The following DLGAP2 variants were observed in gnomAD, a reference collection of about 807,000 sequenced individuals.
DLGAP2 encodes the protein DLG associated protein 2, also known as disks large-associated protein 2.
A neutral mutation model predicts 100.3 loss-of-function variants in DLGAP2; 26 were observed. The observed-to-expected ratio is 0.26, with a 90% CI of 0.19 to 0.36. The LOEUF (loss-of-function observed/expected upper bound fraction) is 0.36, where lower values mean the gene tolerates loss of function less well. DLGAP2 is among the 10% of genes least tolerant of loss of function. The pLI is 1.00. For synonymous variants in DLGAP2, 886 were observed against 630.1 expected (o/e 1.41, Z -6.08); for missense variants, 1,858 against 1,453.2 (o/e 1.28, Z -4.53).
At position 1,094,710 on chromosome 8, in the gene DLGAP2, T is replaced by C. The variant is rs184144408; in HGVS notation, c.74-164141T>C. Among the ~76,000 whole-genome samples the C allele has an allele frequency of 5.3e-3, 813 of 152,232 alleles. 9 individuals are homozygous for C. The highest frequency in any genetic ancestry group is 0.019 in the African/African-American group (769 of 41,546). ...ATTGACCGTGCAGCGGGCACAAGAGTGGCTGGACAAGCTCCGTGCCTCCCC... is the reference window on the plus strand; with the variant it reads ...ATTGACCGTGCAGCGGGCACAAGAGCGGCTGGACAAGCTCCGTGCCTCCCC... On this transcript the variant is annotated intron_variant, in intron 2 of 14. Transcript: ENST00000637795.
chr8:957,525 G>A (rs1397526002), intron 2 of DLGAP2, among the ~76,000 whole-genome samples: 1 of 152,214 alleles, frequency 6.6e-6, no homozygotes, highest in Non-Finnish European at 1.5e-5. Flanking sequence ...TGTGTATTTG[G>A]ATTGTGTCCA....
At chr8:1,365,111 G>GA (rs958768290) in intron 3 of DLGAP2, among the ~76,000 whole-genome samples, 4 of 152,174 alleles carry the variant, frequency 2.6e-5, no homozygotes, top group African/African-American at 9.7e-5. Context: ...GATGCTCTAC[G>GA]AAGCGGGAGG....
chr8:1,487,057 C>G (rs936308762), intron 3 of DLGAP2, among the ~76,000 whole-genome samples: 6 of 152,208 alleles, frequency 3.9e-5, no homozygotes, highest in Admixed American at 2.0e-4. Flanking sequence ...CACAATCGAT[C>G]TAGAATCCGA....
chr8:911,993 A>T (rs149306321), intron 2 of DLGAP2, among the ~76,000 whole-genome samples: 85 of 152,326 alleles, frequency 5.6e-4, no homozygotes, highest in African/African-American at 1.8e-3. Flanking sequence ...ACACAGTTGT[A>T]AGCATAATAC....
At chr8:1,189,637 C>T (rs74731958) in intron 2 of DLGAP2, among the ~76,000 whole-genome samples, 16,801 of 152,182 alleles carry the variant, frequency 0.11, 2,721 homozygotes, top group African/African-American at 0.36. Flanking sequence ...TGACGTGTGA[C>T]ATCCCCATGC....
At chr8:1,637,676 G>A (rs1026731206) in intron 8 of DLGAP2, among the ~76,000 whole-genome samples, 8 of 152,190 alleles carry the variant, frequency 5.3e-5, no homozygotes, top group Non-Finnish European at 1.0e-4. Flanking sequence ...CATTTATGTC[G>A]TAAGCATTTA....
At chr8:1,540,597 A>T (rs1801328804) in intron 4 of DLGAP2, among the ~76,000 whole-genome samples, 1 of 152,044 alleles carries the variant, frequency 6.6e-6, no homozygotes, top group Non-Finnish European at 1.5e-5. Context: ...TGGGCGCTGG[A>T]GTCGGGTGTG....
At chr8:1,385,873 G>A (rs535882193) in intron 3 of DLGAP2, among the ~76,000 whole-genome samples, 3 of 151,886 alleles carry the variant, frequency 2.0e-5, no homozygotes, top group South Asian at 2.1e-4. Context: ...ACAGTTACCC[G>A]GCCTGTGCCC....
At chr8:1,652,863 TATGTATC>T in intron 8 of DLGAP2, among the ~76,000 whole-genome samples, 1 of 152,308 alleles carries the variant, frequency 6.6e-6, no homozygotes, top group South Asian at 2.1e-4. Context: ...CTCCTTGGTC[TATGTATC>T]ATCCCATCAG....
intron 3 of DLGAP2, among the ~76,000 whole-genome samples, chr8:1,304,916 T>A (rs371647014): frequency 6.6e-6 from 1 of 152,262 alleles, no homozygotes; most frequent in African/African-American, 2.4e-5. Flanking sequence ...CTGTCATTCA[T>A]GCATATCGTG....
At chr8:1,575,249 G>A (rs1004828164) in intron 6 of DLGAP2, among the ~76,000 whole-genome samples, 3 of 152,098 alleles carry the variant, frequency 2.0e-5, no homozygotes, top group Non-Finnish European at 4.4e-5. Flanking sequence ...GAAGGCAGAC[G>A]TGAATGGAAG....
At chr8:1,020,864 G>T (rs1378765482) in intron 2 of DLGAP2, among the ~76,000 whole-genome samples, 1 of 152,158 alleles carries the variant, frequency 6.6e-6, no homozygotes, top group East Asian at 1.9e-4. Flanking sequence ...GAGTGACTCT[G>T]GCCAGCTCAG....
chr8:1,469,451 C>A (rs1384700471), intron 3 of DLGAP2, among the ~76,000 whole-genome samples: 1 of 152,236 alleles, frequency 6.6e-6, no homozygotes, highest in African/African-American at 2.4e-5. Context: ...TGCAGTACAT[C>A]CCTCTCTGCC....
At position 1,415,752 on chromosome 8, in the gene DLGAP2, G is replaced by A. The variant is rs117648789; in HGVS notation, c.107-85614G>A. ...GTTGCTTCCATGTTTTTGCTATTGCGAACCTTGTGAACCATGCTGCAGTGA... is the reference window on the plus strand; with the variant it reads ...GTTGCTTCCATGTTTTTGCTATTGCAAACCTTGTGAACCATGCTGCAGTGA... On this transcript the variant is annotated intron_variant, in intron 3 of 14. Coordinates refer to ENST00000637795, the MANE Select transcript of DLGAP2 (RefSeq NM_001346810.2). 6.0e-4 allele frequency among the ~76,000 whole-genome samples: 92 copies of A among 152,252 alleles called. 1 individual carries two copies. The highest frequency in any genetic ancestry group is 3.4e-3 in the Middle Eastern group (1 of 294).
intron 3 of DLGAP2, among the ~76,000 whole-genome samples, chr8:1,348,486 C>A (rs1415345531): frequency 1.3e-5 from 2 of 150,016 alleles, no homozygotes; most frequent in Non-Finnish European, 3.0e-5. Flanking sequence ...GGTTGAGTTC[C>A]CATACAGAGC....
intron 3 of DLGAP2, among the ~76,000 whole-genome samples, chr8:1,286,655 C>T (rs1319493254): frequency 6.6e-6 from 1 of 152,192 alleles, no homozygotes; most frequent in Non-Finnish European, 1.5e-5. Context: ...CTGGGCTGTA[C>T]AGCATCTCAC....
chr8:960,302 C>G (rs1009048110), intron 2 of DLGAP2, among the ~76,000 whole-genome samples: 1 of 124,356 alleles, frequency 8.0e-6, no homozygotes, highest in African/African-American at 3.0e-5. Flanking sequence ...GTGGCACAAT[C>G]TTGGCTCACT....
At chr8:847,770 G>T (rs1797098109) in intron 1 of DLGAP2, among the ~76,000 whole-genome samples, 1 of 152,184 alleles carries the variant, frequency 6.6e-6, no homozygotes, top group Admixed American at 6.5e-5. Flanking sequence ...GCCTCCCAAA[G>T]TGCTGGCATT....
intron 3 of DLGAP2, among the ~76,000 whole-genome samples, chr8:1,410,688 A>G (rs1030782527): frequency 3.3e-5 from 5 of 152,210 alleles, no homozygotes; most frequent in African/African-American, 4.8e-5. Flanking sequence ...GGCATCAGGG[A>G]CACCCCATGG....
Sources: allele counts gnomAD v4.1 joint callset (sites outside exome capture counted in the v4.1 genomes callset), GRCh38; gene constraint gnomAD v4.1.1; transcripts MANE v1.5; gene names NCBI Gene and HGNC (gene_info 2026-07-23, HGNC 2026-07-21).